DHRS7B: variants seen among roughly 807,000 people sequenced by gnomAD.
DHRS7B encodes dehydrogenase/reductase 7B, also known as peroxisomal reductase activating PPAR-gamma.
DHRS7B carries 24 observed loss-of-function variants against 26.4 expected under a neutral mutation model. The ratio of observed to expected loss-of-function variants is 0.91; its 90% confidence interval spans 0.66 to 1.28. The LOEUF is 1.28. Ranked by LOEUF, DHRS7B falls within the 50% of genes most tolerant of loss-of-function variation. DHRS7B has a pLI of 0.00. For missense variants in DHRS7B, 368 were observed against 419.4 expected (o/e 0.88, Z 1.07); for synonymous variants, 142 against 166.4 (o/e 0.85, Z 1.13).
At chr17:21,151,905 G>A (rs1219961385) in intron 1 of DHRS7B, among the ~76,000 whole-genome samples, 1 of 152,196 alleles carries the variant, frequency 6.6e-6, no homozygotes, top group Non-Finnish European at 1.5e-5. Context: ...TCCTCCTGGT[G>A]CTGTCCTCGC....
chr17:21,191,270 A>G lies in DHRS7B; in HGVS notation c.*117A>G. The G allele has an allele frequency of 9.3e-7, 1 of 1,069,728 alleles. No individual in the cohort carries two copies. The highest frequency in any genetic ancestry group is 1.4e-6 in the Non-Finnish European group (1 of 730,424). The allele number at this position is 1,069,728 out of a possible 1,614,324, so 66.3% of individuals were successfully genotyped here. A position where few individuals can be genotyped will look rare whatever the true frequency, so the allele number is the denominator to read the frequency against. ...GAGATTTGTCTCACAAGTGGGAAAG[A>G]CTGAAGAAACACATCTCGTGCAGAT... On this transcript the variant is annotated 3_prime_UTR_variant, in exon 7 of 7. Coordinates refer to ENST00000395511, the MANE Select transcript of DHRS7B (RefSeq NM_015510.5).
At chr17:21,138,075 A>AAAAAAAAATATAT (rs1238830544) in intron 1 of DHRS7B, among the ~76,000 whole-genome samples, 2 of 33,230 alleles carry the variant, frequency 6.0e-5, no homozygotes, top group African/African-American at 2.8e-4. Flanking sequence ...TTAAAAAAAA[A>AAAAAAAAATATAT]ATATATATAT....
In DHRS7B at chr17:21,178,592, T is replaced by C. The variant is rs28683121; in HGVS notation, c.309+250T>C. Among the ~76,000 whole-genome samples the C allele has an allele frequency of 7.2e-3, 1,101 of 152,212 alleles. 13 individuals are homozygous for C. Among genetic ancestry groups the C allele is most frequent in the African/African-American group, 0.024 (986 of 41,520 alleles). Reference sequence around the variant, plus strand: ...TTGAGAAAGTTCTCTTTTCTCCCTTTCCTTTTACCTGGCTAAGCTCTACTT... The same window carrying C: ...TTGAGAAAGTTCTCTTTTCTCCCTTCCCTTTTACCTGGCTAAGCTCTACTT... On this transcript the variant is annotated intron_variant, in intron 3 of 6. Transcript: ENST00000395511.
intron 1 of DHRS7B, among the ~76,000 whole-genome samples, chr17:21,136,536 TG>T (rs1270718447): frequency 7.5e-6 from 1 of 132,848 alleles, no homozygotes; most frequent in East Asian, 2.2e-4. Context: ...GAAAAGGTTT[TG>T]TGGGTTTTTT....
chr17:21,164,030 C>CTTTTTTTTTTTTTTTTTTTTTT lies in DHRS7B; in HGVS notation c.21-7972_21-7971insTTTTTTTTTTTTTTTTTTTTTT, dbSNP rs35189205. On this transcript the variant is annotated intron_variant, in intron 1 of 6. Coordinates refer to ENST00000395511, the MANE Select transcript of DHRS7B (RefSeq NM_015510.5). ...AGTGCAGATATTGTCAATTGTTGTG[C>CTTTTTTTTTTTTTTTTTTTTTT]TTTTTTTTTTTTTTTTGAGACAGGG... Among the ~76,000 whole-genome samples, 190 of 96,922 alleles carry CTTTTTTTTTTTTTTTTTTTTTT rather than the reference C, an allele frequency of 2.0e-3. 36 individuals carry two copies. The highest frequency in any genetic ancestry group is 8.4e-3 in the African/African-American group (165 of 19,744). The allele number at this position is 96,922 out of a possible 152,430, so 63.6% of individuals were successfully genotyped here.
intron 1 of DHRS7B, among the ~76,000 whole-genome samples, chr17:21,140,534 A>ACC (rs909569510): frequency 3.4e-5 from 5 of 147,662 alleles, no homozygotes; most frequent in Non-Finnish European, 7.5e-5. Flanking sequence ...ACACACACAC[A>ACC]CACACCCTGA....
intron 3 of DHRS7B, among the ~76,000 whole-genome samples, 195 bp downstream of exon 3, chr17:21,178,537 C>T (rs1974438817): frequency 1.3e-5 from 2 of 152,226 alleles, no homozygotes; most frequent in Admixed American, 6.5e-5. Context: ...TGGTTTACAT[C>T]CTGATGCCCC....
At chr17:21,189,350 T>A (rs746592967) in intron 6 of DHRS7B, among the ~76,000 whole-genome samples, 3 of 152,182 alleles carry the variant, frequency 2.0e-5, no homozygotes, top group Non-Finnish European at 4.4e-5. Flanking sequence ...CTTGTCTCAT[T>A]TGGAGACAGT....
intron 1 of DHRS7B, among the ~76,000 whole-genome samples, chr17:21,146,319 T>A (rs998429573): frequency 1.3e-5 from 2 of 152,192 alleles, no homozygotes; most frequent in Non-Finnish European, 2.9e-5. Flanking sequence ...GAGGATCATT[T>A]GAGCCCCGGA....
At chr17:21,127,168 C>G (rs1973117856) in intron 1 of DHRS7B, 177 bp downstream of exon 1, 1 of 632,310 alleles carries the variant, frequency 1.6e-6, no homozygotes, top group Non-Finnish European at 2.5e-6. Flanking sequence ...TCAGCCCAGG[C>G]GCTGGGACCA....
chr17:21,143,337 C>T (rs560454773), intron 1 of DHRS7B, among the ~76,000 whole-genome samples: 4 of 152,188 alleles, frequency 2.6e-5, no homozygotes, highest in Admixed American at 6.5e-5. Context: ...GCTGGGATTA[C>T]AGGCGTGAGC....
chr17:21,139,396 C>T (rs1258062723), intron 1 of DHRS7B, among the ~76,000 whole-genome samples: 1 of 152,186 alleles, frequency 6.6e-6, no homozygotes, highest in African/African-American at 2.4e-5. Flanking sequence ...CTTGATTAGG[C>T]CACGCATGGT....
Position 21,165,934 on chromosome 17 carries a change from ACC to A in DHRS7B, c.21-6083_21-6082del, listed in dbSNP as rs1235385633. ...CCGTCTCCAAAAAAAAAAAAAAAAA[ACC>A]ACATTAAAAACCAAAATTGTGTGTG... On this transcript the variant is annotated intron_variant, in intron 1 of 6. Transcript: ENST00000395511. Among the ~76,000 whole-genome samples the A allele has an allele frequency of 4.8e-5, 7 of 145,590 alleles. No individual in the cohort carries two copies. In the East Asian group the frequency reaches 1.2e-3, roughly 25 times the overall value.
chr17:21,190,058 C>T (rs1025842929), intron 6 of DHRS7B, among the ~76,000 whole-genome samples: 1 of 152,012 alleles, frequency 6.6e-6, no homozygotes, highest in Non-Finnish European at 1.5e-5. Flanking sequence ...TCTAGCTACT[C>T]AGGAGGCTGA....
At position 21,186,098 on chromosome 17, in the gene DHRS7B, C is replaced by T. The variant is rs75239619; in HGVS notation, c.619+1635C>T. On this transcript the variant is annotated intron_variant, in intron 5 of 6. Transcript: ENST00000395511. ...AGTAAGGCATACAATGGTTGGTCTCCGTATTCAGTTTTATAATGACCAGGC... is the reference window on the plus strand; with the variant it reads ...AGTAAGGCATACAATGGTTGGTCTCTGTATTCAGTTTTATAATGACCAGGC... Among the ~76,000 whole-genome samples, 37 of 152,294 alleles carry T rather than the reference C, an allele frequency of 2.4e-4. No individual in the cohort carries two copies. In the East Asian group the frequency reaches 6.4e-3, roughly 26 times the overall value.
At chr17:21,175,878 T>A in intron 2 of DHRS7B, among the ~76,000 whole-genome samples, 1 of 145,400 alleles carries the variant, frequency 6.9e-6, no homozygotes, top group African/African-American at 2.6e-5. Context: ...CAGAGAGCCA[T>A]GATGACACTA....
intron 3 of DHRS7B, among the ~76,000 whole-genome samples, chr17:21,181,161 A>G (rs1236660399): frequency 1.3e-5 from 2 of 152,184 alleles, no homozygotes; most frequent in African/African-American, 4.8e-5. Flanking sequence ...ATCATGGCTC[A>G]CTGCAGCCTG....
At position 21,178,327 on chromosome 17, in the gene DHRS7B, T is replaced by C; in HGVS notation, c.294T>C (p.Ala98=). The C allele has an allele frequency of 1.2e-6, 2 of 1,613,980 alleles. No individual in the cohort carries two copies. The highest frequency in any genetic ancestry group is 8.5e-7 in the Non-Finnish European group (1 of 1,179,996). The change falls in exon 3 of 7, where the codon GCT becomes GCC. Residue 98 remains alanine, a synonymous_variant. Transcript: ENST00000395511. ...AAGAGCTCATCAGAGAACTCACCGC[T>C]TCTCATGCCACCAAGGTGAGCCAGG... ...ALEELIRELT[A]SHATKVQTHK... is the part of the protein sequence containing the mutation.
At chr17:21,165,093 C>T (rs1475610206) in intron 1 of DHRS7B, among the ~76,000 whole-genome samples, 2 of 152,120 alleles carry the variant, frequency 1.3e-5, no homozygotes, top group Non-Finnish European at 2.9e-5. Context: ...AGCGATCATC[C>T]CCATTCTGAG....
Sources: allele counts gnomAD v4.1 joint callset (sites outside exome capture counted in the v4.1 genomes callset), GRCh38; gene constraint gnomAD v4.1.1; transcripts MANE v1.5; gene names NCBI Gene and HGNC (gene_info 2026-07-23, HGNC 2026-07-21).